Variants in IL7R observed in about 807,000 individuals in gnomAD.
IL7R encodes the protein interleukin-7 receptor subunit alpha.
Under a neutral mutation model 47.0 loss-of-function variants are expected in IL7R, and 38 were observed. The ratio of observed to expected loss-of-function variants is 0.81; its 90% CI spans 0.62 to 1.06. The LOEUF is 1.06. IL7R is among the 50% of genes least tolerant of loss of function. The pLI, the probability that IL7R is intolerant of heterozygous loss-of-function variation, is 0.00. For synonymous variants in IL7R, 221 were observed against 199.8 expected (o/e 1.11, Z -0.89); for missense variants, 633 against 534.8 (o/e 1.18, Z -1.81).
intron 2 of IL7R, among the ~76,000 whole-genome samples, chr5:35,865,168 T>C (rs974123559): frequency 3.9e-5 from 6 of 152,146 alleles, no homozygotes; most frequent in African/African-American, 1.4e-4. Context: ...GTCCAAGTGC[T>C]CTTATCGTTC....
Position 35,873,465 on chromosome 5 carries a change from C to T in IL7R, c.538-15C>T, listed in dbSNP as rs529815765. 2.0e-5 allele frequency: 32 copies of T among 1,610,748 alleles called. No homozygotes were observed. The highest frequency in any genetic ancestry group is 1.6e-4 in the Middle Eastern group (1 of 6,072). ...TTTTCCCATCCTAAGAATGTAACTG[C>T]ACTCTACTCTCTAGCATGTGAATTT... On this transcript the variant is annotated splice_polypyrimidine_tract_variant and intron_variant, in intron 4 of 7. Transcript: ENST00000303115.
rs747091532 is a variant in IL7R at position 35,871,216 on chromosome 5, A to G, written c.537+3A>G. The stretch of plus-strand genomic sequence containing the variant: ...AAAAGGATGAAAACAAATGGACGGT[A>G]TGTAGTTCAACTACATTAATAAAAT... On this transcript the variant is annotated splice_donor_region_variant and intron_variant, in intron 4 of 7. Coordinates refer to ENST00000303115, the MANE Select transcript of IL7R (RefSeq NM_002185.5). The G allele has an allele frequency of 1.9e-6, 3 of 1,608,034 alleles. No homozygotes were observed. Among genetic ancestry groups the G allele is most frequent in the Non-Finnish European group, 1.7e-6 (2 of 1,174,802 alleles).
Position 35,867,416 on chromosome 5 carries a change from T to G in IL7R, c.332T>G (p.Val111Gly), listed in dbSNP as rs548638151. 5.6e-6 allele frequency: 9 copies of G among 1,613,268 alleles called. No homozygotes were observed. In the South Asian group the frequency reaches 9.9e-5, roughly 18 times the overall value. The change falls in exon 3 of 8, where the codon GTT (valine) becomes GGT (glycine). Residue 111 changes from valine to glycine, a missense_variant. By Grantham distance (109) the Val-to-Gly change is moderately radical (BLOSUM62 -3). Transcript: ENST00000303115. ...LIGKSNICVK[V>G]GEKSLTCKKI... ...GGAAAGAGCAATATATGTGTGAAGGTTGGAGAAAAGAGTCTAACCTGCAAA... is the reference window on the plus strand; with the variant it reads ...GGAAAGAGCAATATATGTGTGAAGGGTGGAGAAAAGAGTCTAACCTGCAAA...
chr5:35,876,880 G>T lies in IL7R; in HGVS notation c.*394G>T, dbSNP rs1385989857. ...ATTATTAGGATTTAATATATATCCA[G>T]TGCTTTGCAAGTGCTCTGCGCACCT... On this transcript the variant is annotated 3_prime_UTR_variant, in exon 8 of 8. Transcript: ENST00000303115. The T allele has an allele frequency of 1.3e-5, 4 of 317,094 alleles. No individual in the cohort carries two copies. The highest frequency in any genetic ancestry group is 2.4e-5 in the Non-Finnish European group (4 of 169,266). 19.6% of individuals were successfully genotyped at this position (317,094 alleles called of 1,614,324 possible). A position where few individuals can be genotyped will look rare whatever the true frequency, so the allele number is the denominator to read the frequency against.
At chr5:35,858,684 TTTCAGAATTAG>T (rs1349441946) in intron 1 of IL7R, among the ~76,000 whole-genome samples, 1 of 152,242 alleles carries the variant, frequency 6.6e-6, no homozygotes, top group Non-Finnish European at 1.5e-5. Flanking sequence ...TCATGTATAT[TTTCAGAATTAG>T]AATTCTTATT....
At chr5:35,867,067 G>A (rs901749105) in intron 2 of IL7R, among the ~76,000 whole-genome samples, 1 of 151,926 alleles carries the variant, frequency 6.6e-6, no homozygotes, top group Non-Finnish European at 1.5e-5. Context: ...AATATGTCTT[G>A]ACTATTTCAG....
intron 1 of IL7R, among the ~76,000 whole-genome samples, chr5:35,857,675 G>A (rs929210760): frequency 1.4e-4 from 22 of 152,100 alleles, no homozygotes; most frequent in Admixed American, 1.1e-3. Context: ...GAAATACACT[G>A]AATTGCCTCC....
At chr5:35,869,080 G>A (rs1025319394) in intron 3 of IL7R, among the ~76,000 whole-genome samples, 7 of 152,074 alleles carry the variant, frequency 4.6e-5, no homozygotes, top group South Asian at 2.1e-4. Context: ...CATGTCTCAC[G>A]GTAGCATCTC....
At chr5:35,874,789 C>G (rs1760164598) in intron 6 of IL7R, among the ~76,000 whole-genome samples, 1 of 152,216 alleles carries the variant, frequency 6.6e-6, no homozygotes, top group South Asian at 2.1e-4. Flanking sequence ...GTTTCCCAAG[C>G]TTTTCTTCCA....
intron 5 of IL7R, 52 bp from the exon 6 acceptor site, chr5:35,874,397 C>T: frequency 1.7e-6 from 2 of 1,173,126 alleles, no homozygotes; most frequent in Non-Finnish European, 1.3e-6. Context: ...TGAGACCCTA[C>T]CCCCACTGCA....
chr5:35,863,536 G>A (rs903106781), intron 2 of IL7R, among the ~76,000 whole-genome samples: 1 of 152,102 alleles, frequency 6.6e-6, no homozygotes, highest in Non-Finnish European at 1.5e-5. Context: ...GGTAGTAAAA[G>A]GCCTTCCTAG....
intron 2 of IL7R, 69 bp downstream of exon 2, chr5:35,861,059 A>G: frequency 6.8e-7 from 1 of 1,462,444 alleles, no homozygotes; most frequent in Non-Finnish European, 9.6e-7. Flanking sequence ...TCTTTTTAAT[A>G]GCCACAAAAG....
intron 3 of IL7R, among the ~76,000 whole-genome samples, chr5:35,870,837 C>A (rs912962844): frequency 6.6e-6 from 1 of 152,140 alleles, no homozygotes; most frequent in African/African-American, 2.4e-5. Flanking sequence ...ATGTGCATTT[C>A]TTCTGCCCAC....
intron 6 of IL7R, among the ~76,000 whole-genome samples, chr5:35,875,162 T>C (rs1047254226): frequency 6.6e-6 from 1 of 152,324 alleles, no homozygotes; most frequent in African/African-American, 2.4e-5. Context: ...AACACTTAAA[T>C]TGGGAGTAAA....
In IL7R at chr5:35,876,522, A is replaced by C. The variant is rs780530930; in HGVS notation, c.*36A>C. ...ACCCAGACTGAACTTACCGTGAGCG[A>C]CAAAGATGATTTAAAAGGGAAGTCT... On this transcript the variant is annotated 3_prime_UTR_variant, in exon 8 of 8. Coordinates refer to ENST00000303115, the MANE Select transcript of IL7R (RefSeq NM_002185.5). The C allele has an allele frequency of 6.3e-7, 1 of 1,598,736 alleles. No homozygotes were observed. Among genetic ancestry groups the C allele is most frequent in the East Asian group, 2.2e-5 (1 of 44,876 alleles).
chr5:35,861,625 C>T (rs1340133698), intron 2 of IL7R, among the ~76,000 whole-genome samples: 2 of 152,128 alleles, frequency 1.3e-5, no homozygotes, highest in East Asian at 3.9e-4. Flanking sequence ...TCAGATGATC[C>T]TCTCAATGTA....
At chr5:35,864,893 C>A (rs1759899512) in intron 2 of IL7R, among the ~76,000 whole-genome samples, 1 of 151,954 alleles carries the variant, frequency 6.6e-6, no homozygotes, top group African/African-American at 2.4e-5. Context: ...TGCCTACTCC[C>A]AAAGTTGGGA....
At position 35,873,591 on chromosome 5, in the gene IL7R, T is replaced by C. The variant is rs1561424471; in HGVS notation, c.649T>C (p.Trp217Arg). ...SIPDHYFKGF[W>R]SEWSPSYYFR... ...CCCTGATCACTATTTTAAAGGCTTCTGGAGTGAATGGAGTCCAAGTTATTA... is the reference window on the plus strand; with the variant it reads ...CCCTGATCACTATTTTAAAGGCTTCCGGAGTGAATGGAGTCCAAGTTATTA... Residue 217 changes from tryptophan (W) to arginine (R), a missense_variant, in exon 5 of 8, where the codon TGG becomes CGG. Trp to Arg is a moderately radical substitution (Grantham distance 101). Coordinates refer to ENST00000303115, the MANE Select transcript of IL7R (RefSeq NM_002185.5). 2 of 1,614,048 alleles carry C rather than the reference T, an allele frequency of 1.2e-6. No homozygotes were observed. Among genetic ancestry groups the C allele is most frequent in the Non-Finnish European group, 1.7e-6 (2 of 1,179,878 alleles).
At position 35,876,046 on chromosome 5, in the gene IL7R, A is replaced by G. The variant is rs202060571; in HGVS notation, c.940A>G (p.Ile314Val). The change falls in exon 8 of 8, where the codon ATT becomes GTT. Residue 314 changes from isoleucine to valine, a missense_variant. By Grantham distance (29) the Ile-to-Val change is conservative. Transcript: ENST00000303115. ...CTGCCAGATTCATAGGGTGGATGAC[A>G]TTCAAGCTAGAGATGAAGTGGAAGG... is the stretch of plus-strand genomic sequence containing the variant. ...LDCQIHRVDDIQARDEVEGFL... is the reference protein window; with the variant it reads ...LDCQIHRVDDVQARDEVEGFL... The G allele has an allele frequency of 7.4e-6, 12 of 1,614,170 alleles. No individual in the cohort carries two copies. Among genetic ancestry groups the G allele is most frequent in the Non-Finnish European group, 1.0e-5 (12 of 1,180,008 alleles).
Sources: allele counts gnomAD v4.1 joint callset (sites outside exome capture counted in the v4.1 genomes callset), GRCh38; gene constraint gnomAD v4.1.1; transcripts MANE v1.5; gene names NCBI Gene and HGNC (gene_info 2026-07-23, HGNC 2026-07-21).